The following SH2B1 variants were observed in gnomAD, a reference collection of about 807,000 sequenced individuals.
The protein encoded by SH2B1 is SH2B adapter protein 1.
SH2B1 carries 15 observed loss-of-function variants against 62.6 expected under a neutral mutation model. The ratio of observed to expected loss-of-function variants is 0.24; its 90% CI spans 0.16 to 0.37. The LOEUF (loss-of-function observed/expected upper bound fraction) is 0.37. SH2B1 is among the 10% of genes least tolerant of loss of function. The probability of loss-of-function intolerance (pLI) is 1.00; values close to 1 mark genes in which losing one functional copy is unlikely to be tolerated. For missense variants in SH2B1, 925 were observed against 1,015.6 expected (o/e 0.91, Z 1.21); for synonymous variants, 443 against 438.0 (o/e 1.01, Z -0.14).
At chr16:28,863,795 A>G (rs2152169833), upstream of SH2B1, 1 of 1,535,296 alleles carries the variant, frequency 6.5e-7, no homozygotes, top group African/African-American at 1.4e-5. Flanking sequence ...GCTGTTCTCT[A>G]TGGTCTCTTC....
At chr16:28,867,536 C>T in intron 2 of SH2B1, 104 bp downstream of exon 2, 1 of 820,612 alleles carries the variant, frequency 1.2e-6, no homozygotes, top group Non-Finnish European at 2.1e-6. Context: ...ATATATGTGT[C>T]CAGTGCCTTG....
In SH2B1 at chr16:28,864,073, C is replaced by G. The variant is rs556169803; in HGVS notation, c.-2022C>G. On this transcript the variant is annotated 5_prime_UTR_variant, in exon 1 of 8. Coordinates refer to ENST00000684370, the MANE Select transcript of SH2B1 (RefSeq NM_001387430.1). ...CCGGGGGCTGGAGAGGCACTCGGCC[C>G]CGGAGAGTGCAGCAGACAGGGCTGG... is the stretch of plus-strand genomic sequence containing the variant. 3.9e-5 allele frequency: 52 copies of G among 1,339,546 alleles called. No individual in the cohort carries two copies. The East Asian group carries it at 1.5e-3, about 39-fold the overall frequency. 83.0% of individuals were successfully genotyped at this position (1,339,546 alleles called of 1,614,324 possible).
chr16:28,862,554 C>A (rs533242488), upstream of SH2B1: 17 of 150,176 alleles, frequency 1.1e-4, no homozygotes, highest in African/African-American at 4.2e-4. Flanking sequence ...CCCGCCTCGG[C>A]CTCCCAAAGT....
Position 28,869,334 on chromosome 16 carries a change from C to G in SH2B1, c.1260C>G (p.Ser420Arg). Residue 420 changes from serine to arginine, a missense_variant, in exon 4 of 8, where the codon AGC (serine) becomes AGG (arginine). Physicochemically the swap from Ser to Arg is moderately radical, Grantham distance 110. Transcript: ENST00000684370. ...SCLNHSESLP[S>R]QDLLLGPSES... ...TGAATCACTCGGAGAGTCTACCCAG[C>G]CAGGACCTGCTGCTTGGACCCAGCG... 6.2e-7 allele frequency: 1 copy of G among 1,614,140 alleles called. No individual in the cohort carries two copies. The highest frequency in any genetic ancestry group is 8.5e-7 in the Non-Finnish European group (1 of 1,180,028).
chr16:28,863,825 G>T (rs1962534469), upstream of SH2B1: 3 of 1,534,124 alleles, frequency 2.0e-6, no homozygotes, highest in African/African-American at 1.4e-5. Flanking sequence ...CGGGAAAGGG[G>T]GTCCTGACGC....
chr16:28,858,985 G>C (rs904021337), upstream of SH2B1, among the ~76,000 whole-genome samples: 13 of 150,982 alleles, frequency 8.6e-5, 1 homozygote, highest in East Asian at 2.3e-3. Flanking sequence ...TTTTTTTAGA[G>C]ACAGGATCTT....
intron 4 of SH2B1, 53 bp downstream of exon 4, chr16:28,869,436 C>G: frequency 1.3e-6 from 2 of 1,541,834 alleles, no homozygotes; most frequent in South Asian, 1.2e-5. Context: ...CATGCGGGGC[C>G]CCTGCTGTCA....
chr16:28,850,012 C>T (rs1454574045), intron 1 of SH2B1, among the ~76,000 whole-genome samples: 2 of 152,258 alleles, frequency 1.3e-5, no homozygotes, highest in South Asian at 2.1e-4. Flanking sequence ...TTGAGAAACA[C>T]GGTGTTCGGA....
intron 1 of SH2B1, among the ~76,000 whole-genome samples, chr16:28,848,236 G>A (rs894650116): frequency 7.9e-5 from 12 of 152,018 alleles, no homozygotes; most frequent in Non-Finnish European, 7.4e-5. Flanking sequence ...TCAGGAGTTC[G>A]AGAACAGCCT....
Position 28,873,451 on chromosome 16 carries a change from G to T in SH2B1, c.1902G>T (p.Pro634=). ...YVPSSQRQQE[P]TTSHDPPQPP... is the part of the protein sequence containing the mutation. ...TTTCTTACCATTCCTATCCAGAACCGACCACCTCCCATGACCCACCCCAGC... is the reference window on the plus strand; with the variant it reads ...TTTCTTACCATTCCTATCCAGAACCTACCACCTCCCATGACCCACCCCAGC... The change falls in exon 8 of 8, where the codon CCG becomes CCT. Residue 634 remains proline (P), a synonymous_variant. Coordinates refer to ENST00000684370, the MANE Select transcript of SH2B1 (RefSeq NM_001387430.1). The surrounding 1 kb of genome is among the most constrained non-coding windows in gnomAD (Gnocchi z 4.2). 6.4e-7 allele frequency: 1 copy of T among 1,567,322 alleles called. No homozygotes were observed. Among genetic ancestry groups the T allele is most frequent in the Non-Finnish European group, 8.6e-7 (1 of 1,163,340 alleles).
chr16:28,852,841 CATATATATATTTTT>C (rs1962196707), intron 1 of SH2B1, among the ~76,000 whole-genome samples: 1 of 32,724 alleles, frequency 3.1e-5, no homozygotes, highest in Non-Finnish European at 5.8e-5. Flanking sequence ...TATATATATA[CATATATATATTTTT>C]ATATATATTT....
At chr16:28,853,349 G>A (rs574489462) in intron 1 of SH2B1, among the ~76,000 whole-genome samples, 41 of 148,966 alleles carry the variant, frequency 2.8e-4, no homozygotes, top group Non-Finnish European at 5.3e-4. Context: ...GATTACAGGC[G>A]TGTGCCACCA....
intron 1 of SH2B1, among the ~76,000 whole-genome samples, chr16:28,847,301 T>C (rs1961997903): frequency 6.6e-6 from 1 of 152,172 alleles, no homozygotes; most frequent in Non-Finnish European, 1.5e-5. Context: ...CAATGTCCCT[T>C]AACTTTCACA....
chr16:28,868,180 C>T (rs1204705778), intron 2 of SH2B1, among the ~76,000 whole-genome samples: 3 of 150,676 alleles, frequency 2.0e-5, no homozygotes, highest in African/African-American at 7.3e-5. Flanking sequence ...CGCTCTGTCG[C>T]CCAGGCTGGA....
In SH2B1 at chr16:28,872,344, G is replaced by C. The variant is rs375576353; in HGVS notation, c.1668G>C (p.Gln556His). Reference sequence around the variant, plus strand: ...CCCACGGTGTCTTCCTGGTGCGCCAGAGTGAGACAAGGCGGGGTGAATACG... The same window carrying C: ...CCCACGGTGTCTTCCTGGTGCGCCACAGTGAGACAAGGCGGGGTGAATACG... Reference protein sequence around the residue: ...TGSHGVFLVRQSETRRGEYVL... With the variant: ...TGSHGVFLVRHSETRRGEYVL... The change falls in exon 6 of 8, where the codon CAG becomes CAC. Residue 556 changes from glutamine to histidine, a missense_variant. Gln to His is a conservative substitution (Grantham distance 24). Around this residue, in one of 3 missense-constraint regions of SH2B1, gnomAD observed 57 missense variants for 122.1 expected, o/e 0.47. Transcript: ENST00000684370. This position sits in a 1 kb window ranked among gnomAD's most constrained non-coding sequence, Gnocchi z 5.3. The C allele has an allele frequency of 1.9e-6, 3 of 1,613,726 alleles. No homozygotes were observed. Among genetic ancestry groups the C allele is most frequent in the Non-Finnish European group, 2.5e-6 (3 of 1,179,820 alleles).
intron 4 of SH2B1, 41 bp downstream of exon 4, chr16:28,869,424 G>A (rs1280854367): frequency 1.9e-6 from 3 of 1,571,214 alleles, no homozygotes; most frequent in Non-Finnish European, 1.7e-6. Flanking sequence ...CTCGGAACCT[G>A]CCATGCGGGG....
intron 1 of SH2B1, among the ~76,000 whole-genome samples, chr16:28,851,463 T>C (rs1026645243): frequency 6.6e-5 from 10 of 150,652 alleles, no homozygotes; most frequent in Non-Finnish European, 1.5e-4. Context: ...TTTCTTCTTT[T>C]TTTTTTTTTT....
chr16:28,852,758 GTA>G (rs371764727), intron 1 of SH2B1, among the ~76,000 whole-genome samples: 17,094 of 38,038 alleles, frequency 0.45, 4,841 homozygotes, highest in South Asian at 0.83. Flanking sequence ...ACATATATAT[GTA>G]TATATATATT....
chr16:28,852,540 T>G lies in SH2B1; in HGVS notation c.-301+5713T>G, dbSNP rs528215746. ...TATATTTATATATATACACATATAT[T>G]TATATATATACACATATTTATATAT... is the stretch of plus-strand genomic sequence containing the variant. On this transcript the variant is annotated intron_variant, in intron 1 of 10. Coordinates refer to the SH2B1 transcript ENST00000322610. Among the ~76,000 whole-genome samples, 8 of 35,062 alleles carry G rather than the reference T, an allele frequency of 2.3e-4. 3 individuals are homozygous for G. The highest frequency in any genetic ancestry group is 3.7e-3 in the South Asian group (2 of 544). 23.0% of individuals were successfully genotyped at this position (35,062 alleles called of 152,430 possible).
Sources: gnomAD v4.1 joint callset for allele counts (sites outside exome capture counted in the v4.1 genomes callset) on GRCh38, gnomAD v4.1.1 for gene constraint, gnomAD v4.1.1 regional missense constraint, Gnocchi (gnomAD v3.1) non-coding constraint, MANE v1.5 for transcripts, NCBI Gene and HGNC (gene_info 2026-07-23, HGNC 2026-07-21) for gene names.